The following FAM107B variants were observed in gnomAD, a reference collection of about 807,000 sequenced individuals.
The protein encoded by FAM107B is family with sequence similarity 107 member B, also known as protein FAM107B.
FAM107B carries 21 observed loss-of-function variants against 31.5 expected under a neutral mutation model. The ratio of observed to expected loss-of-function variants is 0.67; its 90% CI spans 0.47 to 0.96. FAM107B has a LOEUF of 0.96. Ranked by LOEUF, FAM107B falls within the 40% of genes least tolerant of loss-of-function variation. The pLI is 0.00. For synonymous variants in FAM107B, 157 were observed against 141.5 expected, an observed-to-expected ratio of 1.11 and a Z score of -0.78; for missense variants, 452 against 377.1, an observed-to-expected ratio of 1.20 and a Z score of -1.64.
intron 2 of FAM107B, among the ~76,000 whole-genome samples, chr10:14,622,032 G>A (rs1267264016): frequency 6.6e-6 from 1 of 152,114 alleles, no homozygotes; most frequent in Admixed American, 6.5e-5. Flanking sequence ...TACCAACAAA[G>A]CTTTTCCACA....
At chr10:14,739,297 C>T (rs1190807806) in intron 1 of FAM107B, among the ~76,000 whole-genome samples, 1 of 152,194 alleles carries the variant, frequency 6.6e-6, no homozygotes, top group Non-Finnish European at 1.5e-5. Flanking sequence ...ACCAGGAAGG[C>T]CCCAGCCAAC....
chr10:14,682,301 G>A (rs1029854761), intron 1 of FAM107B, among the ~76,000 whole-genome samples: 2 of 152,150 alleles, frequency 1.3e-5, no homozygotes, highest in Admixed American at 1.3e-4. Context: ...GGCCGAGGTG[G>A]GTGGATCATC....
intron 2 of FAM107B, among the ~76,000 whole-genome samples, chr10:14,588,390 A>T (rs1313055945): frequency 6.6e-6 from 1 of 152,242 alleles, no homozygotes; most frequent in Non-Finnish European, 1.5e-5. Flanking sequence ...AGATAGCTGC[A>T]AAGCCAACTG....
intron 2 of FAM107B, among the ~76,000 whole-genome samples, chr10:14,546,448 T>C (rs1848701671): frequency 1.3e-5 from 2 of 152,234 alleles, no homozygotes; most frequent in South Asian, 2.1e-4. Context: ...TGAAGACTAA[T>C]ATGTTTCAAC....
chr10:14,765,329 GGA>G (rs1037358123), intron 1 of FAM107B, among the ~76,000 whole-genome samples: 130 of 152,148 alleles, frequency 8.5e-4, no homozygotes, highest in African/African-American at 2.9e-3. Flanking sequence ...AGTCTTTTAT[GGA>G]GAGTTGCCAA....
chr10:14,541,140 C>T (rs1003817828), intron 2 of FAM107B, among the ~76,000 whole-genome samples: 2 of 152,268 alleles, frequency 1.3e-5, no homozygotes, highest in Non-Finnish European at 2.9e-5. Context: ...CCCCTATCAC[C>T]AGTCGCTCAT....
At chr10:14,632,303 T>TA (rs1853377048) in intron 2 of FAM107B, among the ~76,000 whole-genome samples, 1 of 25,804 alleles carries the variant, frequency 3.9e-5, no homozygotes, top group Non-Finnish European at 7.0e-5. Context: ...AGACTCTGTC[T>TA]CAAAAAAAAA....
intron 1 of FAM107B, among the ~76,000 whole-genome samples, chr10:14,668,747 C>A (rs1027442641): frequency 2.6e-5 from 4 of 152,092 alleles, no homozygotes; most frequent in African/African-American, 9.7e-5. Flanking sequence ...AGGCAGGATA[C>A]CTTCTAACAT....
chr10:14,762,427 T>G (rs1219974641), intron 1 of FAM107B, among the ~76,000 whole-genome samples: 2 of 152,264 alleles, frequency 1.3e-5, no homozygotes, highest in African/African-American at 4.8e-5. Context: ...CATAAGAGAC[T>G]TGGGACACCA....
chr10:14,539,224 AG>A (rs1396101208), intron 2 of FAM107B, among the ~76,000 whole-genome samples: 29 of 152,338 alleles, frequency 1.9e-4, no homozygotes, highest in African/African-American at 6.7e-4. Context: ...GAAGGGAGAA[AG>A]TGCTGTGGAA....
Position 14,772,366 on chromosome 10 carries a change from T to A in FAM107B, c.411+1887A>T, listed in dbSNP as rs906564452. 1.5e-4 allele frequency among the ~76,000 whole-genome samples: 22 copies of A among 147,978 alleles called. No individual in the cohort carries two copies. In the East Asian group the frequency reaches 2.7e-3, roughly 18 times the overall value. On this transcript the variant is annotated intron_variant, in intron 1 of 4. Transcript: ENST00000181796. ...AAGACTCCATCTTAAAAAAAAAATATATATATATATATATGCACCTCACTG... is the reference window on the plus strand; with the variant it reads ...AAGACTCCATCTTAAAAAAAAAATAAATATATATATATATGCACCTCACTG...
intron 1 of FAM107B, among the ~76,000 whole-genome samples, chr10:14,717,234 CA>C (rs1855800815): frequency 6.6e-6 from 1 of 152,184 alleles, no homozygotes; most frequent in African/African-American, 2.4e-5. Flanking sequence ...TAGGCCCAAA[CA>C]AAAGCTCAGA....
At chr10:14,695,041 A>C (rs1407004508) in intron 1 of FAM107B, among the ~76,000 whole-genome samples, 3 of 152,026 alleles carry the variant, frequency 2.0e-5, no homozygotes, top group African/African-American at 4.8e-5. Context: ...TTATGGCCTA[A>C]GTTTTTGGTG....
At chr10:14,704,608 T>C (rs1855478734) in intron 1 of FAM107B, among the ~76,000 whole-genome samples, 1 of 152,178 alleles carries the variant, frequency 6.6e-6, no homozygotes, top group Non-Finnish European at 1.5e-5. Flanking sequence ...GAAATCAAAA[T>C]AGTATAACAC....
intron 1 of FAM107B, among the ~76,000 whole-genome samples, chr10:14,755,968 T>C (rs1238780915): frequency 6.6e-6 from 1 of 152,178 alleles, no homozygotes; most frequent in Non-Finnish European, 1.5e-5. Context: ...AAATATACAC[T>C]ACTATATATT....
intron 1 of FAM107B, among the ~76,000 whole-genome samples, chr10:14,677,816 T>G (rs577151194): frequency 6.6e-6 from 1 of 152,256 alleles, no homozygotes; most frequent in South Asian, 2.1e-4. Flanking sequence ...GTCACCCTAA[T>G]TGGGGCGTGT....
intron 3 of FAM107B, chr10:14,528,174 G>GTTTTTTTTTTTTTT (rs34584902): frequency 1.5e-5 from 1 of 67,518 alleles, no homozygotes; most frequent in African/African-American, 6.5e-5. Flanking sequence ...TTAAGTTTTG[G>GTTTTTTTTTTTTTT]TTTTTTTTTT....
At chr10:14,580,171 A>C (rs1851589217) in intron 2 of FAM107B, among the ~76,000 whole-genome samples, 1 of 152,090 alleles carries the variant, frequency 6.6e-6, no homozygotes, top group African/African-American at 2.4e-5. Context: ...CATCCTGGCT[A>C]ATATGGTGAA....
At chr10:14,771,972 T>A (rs1833313832) in intron 1 of FAM107B, among the ~76,000 whole-genome samples, 1 of 152,228 alleles carries the variant, frequency 6.6e-6, no homozygotes, top group Admixed American at 6.5e-5. Flanking sequence ...GTTCCAGTCC[T>A]GTCTCTGCCA....
Sources: gnomAD v4.1 joint callset for allele counts (sites outside exome capture counted in the v4.1 genomes callset) on GRCh38, gnomAD v4.1.1 for gene constraint, MANE v1.5 for transcripts, NCBI Gene and HGNC (gene_info 2026-07-23, HGNC 2026-07-21) for gene names.